Variants in TENM3 observed in about 807,000 individuals in gnomAD.
TENM3 encodes the protein teneurin transmembrane protein 3.
A neutral mutation model predicts 255.1 loss-of-function variants in TENM3; 63 were observed. The ratio of observed to expected loss-of-function variants is 0.25; its 90% CI spans 0.20 to 0.30. The LOEUF is 0.30. Among genes scored for constraint, TENM3 ranks in the 10% least tolerant of loss-of-function variants. TENM3 has a pLI of 1.00. For synonymous variants in TENM3, 1,306 were observed against 1,322.3 expected (o/e 0.99, Z 0.27); for missense variants, 2,929 against 3,461.1 (o/e 0.85, Z 3.86).
chr4:182,339,159 G>A (rs925623191), intron 2 of TENM3, among the ~76,000 whole-genome samples: 35 of 152,126 alleles, frequency 2.3e-4, no homozygotes, highest in Non-Finnish European at 4.1e-4. Context: ...TATGAAAAAA[G>A]ACAAAAACCT....
chr4:181,570,877 T>C, the TENM3 span, among the ~76,000 whole-genome samples: 29 of 152,150 alleles, frequency 1.9e-4, no homozygotes, highest in African/African-American at 7.0e-4. Context: ...CGCTCAAGCC[T>C]CCGTGAAGTT....
chr4:182,568,541 T>C (rs1374021077), intron 3 of TENM3, among the ~76,000 whole-genome samples: 1 of 152,210 alleles, frequency 6.6e-6, no homozygotes, highest in Non-Finnish European at 1.5e-5. Flanking sequence ...ATTGGAGCTT[T>C]CATACTTTGC....
the TENM3 span, among the ~76,000 whole-genome samples, chr4:181,453,315 G>A: frequency 6.6e-6 from 1 of 152,162 alleles, no homozygotes; most frequent in Non-Finnish European, 1.5e-5. Context: ...AAGCTAGGTG[G>A]AGGGAAGCTT....
rs35242466 is a variant in TENM3 at position 182,564,305 on chromosome 4, T to TAA, written c.512-36606_512-36605dup. The stretch of plus-strand genomic sequence containing the variant: ...TTTCTTTTATGTGAAAACCTTTCTT[T>TAA]AAAAAAAAAAAAAAGAAATTGTATA... On this transcript the variant is annotated intron_variant, in intron 3 of 27. Transcript: ENST00000511685. Among the ~76,000 whole-genome samples, 76 of 144,288 alleles carry TAA rather than the reference T, an allele frequency of 5.3e-4. 1 individual carries two copies. The highest frequency in any genetic ancestry group is 1.8e-3 in the African/African-American group (72 of 38,944). 94.7% of individuals were successfully genotyped at this position (144,288 alleles called of 152,430 possible). A position where few individuals can be genotyped will look rare whatever the true frequency, so the allele number is the denominator to read the frequency against.
chr4:182,148,625 A>T (rs1456413899), intron 1 of TENM3, among the ~76,000 whole-genome samples: 1 of 152,014 alleles, frequency 6.6e-6, no homozygotes, highest in East Asian at 1.9e-4. Context: ...GAGATTTCTT[A>T]GAATTTTGGA....
chr4:181,450,974 G>A, the TENM3 span, among the ~76,000 whole-genome samples: 12 of 152,128 alleles, frequency 7.9e-5, no homozygotes, highest in Admixed American at 5.2e-4. Context: ...GCCAGGGATC[G>A]TGTTTCCAGG....
the TENM3 span, among the ~76,000 whole-genome samples, chr4:182,014,008 A>G: frequency 1.5e-5 from 1 of 68,386 alleles, no homozygotes; most frequent in Admixed American, 1.6e-4. Flanking sequence ...ATATATACGT[A>G]TATATACGTG....
chr4:182,673,228 A>G lies in TENM3; in HGVS notation c.1326+9A>G, dbSNP rs1402656344. 1 of 1,555,334 alleles carries G rather than the reference A, an allele frequency of 6.4e-7. No homozygotes were observed. The highest frequency in any genetic ancestry group is 2.3e-5 in the East Asian group (1 of 44,262). On this transcript the variant is annotated intron_variant, in intron 7 of 27. Transcript: ENST00000511685. Reference sequence around the variant, plus strand: ...CGCCTTCCCATACTCAGGTAAGACTAGGCTTTCTTATCAATAAAATAAAAA... The same window carrying G: ...CGCCTTCCCATACTCAGGTAAGACTGGGCTTTCTTATCAATAAAATAAAAA...
Position 182,801,157 on chromosome 4 carries a change from A to T in TENM3, c.*806A>T, listed in dbSNP as rs890354820. The T allele has an allele frequency of 1.3e-5, 2 of 152,592 alleles. No individual in the cohort carries two copies. The highest frequency in any genetic ancestry group is 6.5e-5 in the Admixed American group (1 of 15,278). 9.5% of individuals were successfully genotyped at this position (152,592 alleles called of 1,614,324 possible). A position where few individuals can be genotyped will look rare whatever the true frequency, so the allele number is the denominator to read the frequency against. On this transcript the variant is annotated 3_prime_UTR_variant, in exon 28 of 28. Coordinates refer to ENST00000511685, the MANE Select transcript of TENM3 (RefSeq NM_001080477.4). Reference sequence around the variant, plus strand: ...TGTGTGATTTTTTTAAAAGGATTGCACCTTTTGTTATCTGTTATAGCTGTA... The same window carrying T: ...TGTGTGATTTTTTTAAAAGGATTGCTCCTTTTGTTATCTGTTATAGCTGTA...
At chr4:181,915,940 T>G in the TENM3 span, among the ~76,000 whole-genome samples, 6 of 152,338 alleles carry the variant, frequency 3.9e-5, no homozygotes, top group East Asian at 9.7e-4. Context: ...ACAGGCAGTG[T>G]GATTTTACAG....
chr4:181,605,025 T>C, the TENM3 span, among the ~76,000 whole-genome samples: 1 of 152,236 alleles, frequency 6.6e-6, no homozygotes, highest in Non-Finnish European at 1.5e-5. Flanking sequence ...AATATAGTCA[T>C]GTAATCTTAC....
intron 3 of TENM3, among the ~76,000 whole-genome samples, chr4:182,552,009 G>C (rs1349794973): frequency 6.9e-6 from 1 of 145,668 alleles, no homozygotes; most frequent in East Asian, 2.0e-4. Context: ...CGGGGTGACA[G>C]AGCAAGACCC....
intron 1 of TENM3, among the ~76,000 whole-genome samples, chr4:182,297,840 C>T (rs1761593490): frequency 6.6e-6 from 1 of 152,212 alleles, no homozygotes; most frequent in South Asian, 2.1e-4. Context: ...AGGCCTGGGC[C>T]TCAGTGAAGT....
chr4:182,431,119 C>T (rs1390145113), intron 3 of TENM3, among the ~76,000 whole-genome samples: 2 of 152,160 alleles, frequency 1.3e-5, no homozygotes, highest in African/African-American at 2.4e-5. Context: ...AAAGGGGAGA[C>T]AATGAATATT....
the TENM3 span, among the ~76,000 whole-genome samples, chr4:181,985,150 C>T: frequency 6.6e-6 from 1 of 151,470 alleles, no homozygotes; most frequent in Non-Finnish European, 1.5e-5. Flanking sequence ...TTTGCTGCTT[C>T]GAAAAATTTC....
chr4:181,934,770 A>G, the TENM3 span, among the ~76,000 whole-genome samples: 1 of 152,192 alleles, frequency 6.6e-6, no homozygotes, highest in Non-Finnish European at 1.5e-5. Flanking sequence ...TTTGTTTTCA[A>G]AAATTATTAA....
chr4:182,551,978 A>G (rs1378179693), intron 3 of TENM3, among the ~76,000 whole-genome samples: 1 of 151,360 alleles, frequency 6.6e-6, no homozygotes, highest in East Asian at 1.9e-4. Context: ...TGATTGCATC[A>G]TGACACCACT....
intron 3 of TENM3, among the ~76,000 whole-genome samples, chr4:182,428,899 GC>G (rs1771427242): frequency 1.3e-5 from 2 of 151,996 alleles, no homozygotes; most frequent in African/African-American, 4.8e-5. Context: ...TGATATAATT[GC>G]TTCTCTGTTC....
chr4:182,564,836 A>G (rs11725566), intron 3 of TENM3, among the ~76,000 whole-genome samples: 15,195 of 152,082 alleles, frequency 0.1, 948 homozygotes, highest in Non-Finnish European at 0.14. Context: ...AGAAATGTCA[A>G]ATATTTCTAT....
Sources: allele counts gnomAD v4.1 joint callset (sites outside exome capture counted in the v4.1 genomes callset), GRCh38; gene constraint gnomAD v4.1.1; transcripts MANE v1.5; gene names NCBI Gene and HGNC (gene_info 2026-07-23, HGNC 2026-07-21).